Variants in DLGAP1 observed in about 807,000 individuals in gnomAD.
The protein encoded by DLGAP1 is DLG associated protein 1, also known as disks large-associated protein 1.
Under a neutral mutation model 90.8 loss-of-function variants are expected in DLGAP1, and 11 were observed. That is an observed-to-expected ratio of 0.12 (90% confidence interval 0.08 to 0.20). The LOEUF is 0.20. Among genes scored for constraint, DLGAP1 ranks in the 10% least tolerant of loss-of-function variants. The pLI, the probability that DLGAP1 is intolerant of heterozygous loss-of-function variation, is 1.00. For synonymous variants in DLGAP1, 558 were observed against 540.7 expected, an observed-to-expected ratio of 1.03 and a Z score of -0.44; for missense variants, 1,050 against 1,333.8, an observed-to-expected ratio of 0.79 and a Z score of 3.31.
chr18:4,218,938 T>C (rs564491055), intron 1 of DLGAP1, among the ~76,000 whole-genome samples: 5 of 151,776 alleles, frequency 3.3e-5, no homozygotes, highest in Non-Finnish European at 2.9e-5. Context: ...ATAGGCATGA[T>C]AGTGCAGATA....
intron 9 of DLGAP1, among the ~76,000 whole-genome samples, chr18:3,541,033 C>G (rs1599134135): frequency 1.3e-5 from 2 of 152,114 alleles, no homozygotes. Flanking sequence ...AATGTGCCCC[C>G]AGAAGGAACT....
chr18:3,672,283 G>T (rs2060117273), intron 7 of DLGAP1, among the ~76,000 whole-genome samples: 1 of 150,956 alleles, frequency 6.6e-6, no homozygotes, highest in Admixed American at 6.6e-5. Context: ...TCTATTTCTT[G>T]AAAGTTAACA....
intron 1 of DLGAP1, among the ~76,000 whole-genome samples, chr18:4,388,109 C>G (rs929792689): frequency 6.6e-6 from 1 of 151,962 alleles, no homozygotes; most frequent in Non-Finnish European, 1.5e-5. Context: ...TAGGCATAAA[C>G]AGTGAGCTAA....
intron 3 of DLGAP1, among the ~76,000 whole-genome samples, chr18:3,925,133 A>G (rs1015588171): frequency 1.3e-5 from 2 of 152,004 alleles, no homozygotes; most frequent in African/African-American, 4.8e-5. Context: ...TTGTATTTTT[A>G]GTAGAGATGG....
chr18:3,517,632 A>T lies in DLGAP1; in HGVS notation c.2480-8971T>A, dbSNP rs1244547800. 6.6e-6 allele frequency among the ~76,000 whole-genome samples: 1 copy of T among 152,134 alleles called. No homozygotes were observed. ...CAGGAGGTCGAGACAAGCCTGACCA[A>T]CATGGTGAAACCAAGTCTCTACTAA... On this transcript the variant is annotated intron_variant, in intron 10 of 12. Coordinates refer to ENST00000315677, the MANE Select transcript of DLGAP1 (RefSeq NM_004746.4). The surrounding 1 kb of genome is among the most constrained non-coding windows in gnomAD (Gnocchi z 4.1).
intron 9 of DLGAP1, among the ~76,000 whole-genome samples, chr18:3,540,574 G>A (rs1379109295): frequency 6.6e-6 from 1 of 151,744 alleles, no homozygotes; most frequent in Non-Finnish European, 1.5e-5. Context: ...ATGCATGGGA[G>A]GGCGCAGGCA....
intron 3 of DLGAP1, among the ~76,000 whole-genome samples, chr18:3,893,864 T>C (rs2071546199): frequency 6.6e-6 from 1 of 152,110 alleles, no homozygotes; most frequent in African/African-American, 2.4e-5. Flanking sequence ...CATTTCTCCA[T>C]ATCCTTGCCA....
chr18:3,879,089 T>C lies in DLGAP1; in HGVS notation c.957+23A>G, dbSNP rs1267823032. On this transcript the variant is annotated intron_variant, in intron 4 of 12. Coordinates refer to ENST00000315677, the MANE Select transcript of DLGAP1 (RefSeq NM_004746.4). The surrounding 1 kb of genome is among the most constrained non-coding windows in gnomAD (Gnocchi z 6.6). The stretch of plus-strand genomic sequence containing the variant: ...GCATGCCAGGTACTACTTCTAAGCC[T>C]CCATCATTGACAGAAATGGTACCTG... 1.4e-6 allele frequency: 2 copies of C among 1,480,500 alleles called. No individual in the cohort carries two copies. The highest frequency in any genetic ancestry group is 2.8e-5 in the African/African-American group (2 of 70,666). 91.7% of individuals were successfully genotyped at this position (1,480,500 alleles called of 1,614,324 possible). A position where few individuals can be genotyped will look rare whatever the true frequency, so the allele number is the denominator to read the frequency against.
At chr18:4,021,889 G>T (rs2074616495) in intron 2 of DLGAP1, among the ~76,000 whole-genome samples, 2 of 152,192 alleles carry the variant, frequency 1.3e-5, no homozygotes. Flanking sequence ...GTGAGCCACT[G>T]TGCCCAGCCT....
At chr18:4,144,898 T>C (rs1915591) in intron 2 of DLGAP1, among the ~76,000 whole-genome samples, 12,349 of 152,262 alleles carry the variant, frequency 0.081, 1,294 homozygotes, top group East Asian at 0.24. Flanking sequence ...ATGTTGTCCT[T>C]GAACATTCTT....
chr18:4,441,363 T>C (rs1471501322), intron 1 of DLGAP1, among the ~76,000 whole-genome samples: 1 of 152,138 alleles, frequency 6.6e-6, no homozygotes, highest in African/African-American at 2.4e-5. Context: ...AAAATTTCTC[T>C]GACAAGTGGG....
chr18:3,752,515 C>T (rs896899898), intron 5 of DLGAP1, among the ~76,000 whole-genome samples: 1 of 142,326 alleles, frequency 7.0e-6, no homozygotes, highest in Non-Finnish European at 1.5e-5. Flanking sequence ...CCCTCTCTCC[C>T]TCCCTCCCTC....
intron 3 of DLGAP1, among the ~76,000 whole-genome samples, chr18:3,918,690 A>G (rs574894533): frequency 1.5e-3 from 235 of 152,230 alleles, no homozygotes; most frequent in African/African-American, 5.6e-3. Flanking sequence ...AGCAAAGACT[A>G]CCCTTCCTGG....
chr18:4,419,764 A>T (rs73943526), intron 1 of DLGAP1, among the ~76,000 whole-genome samples: 1 of 152,148 alleles, frequency 6.6e-6, no homozygotes, highest in Admixed American at 6.5e-5. Context: ...ACACTAAAAA[A>T]ATTAACAAAA....
chr18:4,105,927 G>C (rs2075855468), intron 2 of DLGAP1, among the ~76,000 whole-genome samples: 1 of 151,302 alleles, frequency 6.6e-6, no homozygotes, highest in Admixed American at 6.6e-5. Context: ...AGCTACTCGG[G>C]AGGCCGAGGC....
chr18:4,180,601 T>C (rs771496882), intron 1 of DLGAP1, among the ~76,000 whole-genome samples: 2 of 152,162 alleles, frequency 1.3e-5, no homozygotes, highest in Non-Finnish European at 2.9e-5. Context: ...TTGAAATAAA[T>C]ATTAAATACA....
At chr18:4,041,082 C>T (rs368841753) in intron 2 of DLGAP1, among the ~76,000 whole-genome samples, 13 of 152,268 alleles carry the variant, frequency 8.5e-5, no homozygotes, top group South Asian at 2.1e-4. Flanking sequence ...AGAGAGCAAA[C>T]GCAGCACCCG....
At chr18:3,789,342 T>C (rs2065612468) in intron 5 of DLGAP1, among the ~76,000 whole-genome samples, 1 of 152,208 alleles carries the variant, frequency 6.6e-6, no homozygotes, top group Non-Finnish European at 1.5e-5. Context: ...CCCCTTGTGA[T>C]AAGTTTCAAC....
intron 7 of DLGAP1, among the ~76,000 whole-genome samples, chr18:3,713,932 A>G (rs75180096): frequency 0.023 from 3,483 of 152,250 alleles, 139 homozygotes; most frequent in African/African-American, 0.08. Flanking sequence ...AAGTGGGGAC[A>G]CTGTCAGGAT....
Sources: gnomAD v4.1 joint callset for allele counts (sites outside exome capture counted in the v4.1 genomes callset) on GRCh38, gnomAD v4.1.1 for gene constraint, Gnocchi (gnomAD v3.1) non-coding constraint, MANE v1.5 for transcripts, NCBI Gene and HGNC (gene_info 2026-07-23, HGNC 2026-07-21) for gene names.